Variants in GSAP observed in about 807,000 individuals in gnomAD.
GSAP encodes the protein gamma-secretase activating protein.
Under a neutral mutation model 131.7 loss-of-function variants are expected in GSAP, and 118 were observed. The ratio of observed to expected loss-of-function variants is 0.90; its 90% CI spans 0.77 to 1.04. The LOEUF (loss-of-function observed/expected upper bound fraction) is 1.04. Ranked by LOEUF, GSAP falls within the 50% of genes least tolerant of loss-of-function variation. GSAP has a pLI of 0.00. For missense variants in GSAP, 1,019 were observed against 1,013.2 expected, an observed-to-expected ratio of 1.01 and a Z score of -0.08; for synonymous variants, 381 against 363.4, an observed-to-expected ratio of 1.05 and a Z score of -0.55.
chr7:77,368,233 G>A (rs1795597345), intron 12 of GSAP, among the ~76,000 whole-genome samples: 1 of 152,102 alleles, frequency 6.6e-6, no homozygotes, highest in African/African-American at 2.4e-5. Flanking sequence ...GGGTTAAGTT[G>A]TTTCCTGGAT....
intron 10 of GSAP, among the ~76,000 whole-genome samples, 163 bp from the exon 11 acceptor site, chr7:77,375,264 T>G (rs1003604149): frequency 1.3e-5 from 2 of 152,230 alleles, no homozygotes; most frequent in African/African-American, 4.8e-5. Context: ...ATCCATTGCA[T>G]AGAAAGTCCA....
chr7:77,360,990 C>T (rs1794453699), intron 13 of GSAP, 89 bp from the exon 14 acceptor site: 2 of 754,660 alleles, frequency 2.7e-6, no homozygotes, highest in Non-Finnish European at 4.8e-6. Flanking sequence ...ACTATATTTT[C>T]AGTGACCATG....
In GSAP at chr7:77,365,907, T is replaced by TG. The variant is rs1277866540; in HGVS notation, c.872-3248_872-3247insC. Among the ~76,000 whole-genome samples, 179 of 149,202 alleles carry TG rather than the reference T, an allele frequency of 1.2e-3. 1 individual carries two copies. Among genetic ancestry groups the TG allele is most frequent in the South Asian group, 0.011 (53 of 4,678 alleles). On this transcript the variant is annotated intron_variant, in intron 12 of 30. Transcript: ENST00000257626. ...TTGCCAGCAACTGTGGGTTTTTTTT[T>TG]TTTTTTTTTTTTTTTACTTTTAATA...
At chr7:77,373,699 G>A (rs1373687783) in intron 12 of GSAP, among the ~76,000 whole-genome samples, 1 of 152,214 alleles carries the variant, frequency 6.6e-6, no homozygotes, top group Non-Finnish European at 1.5e-5. Context: ...AGCCAGGTAC[G>A]TAAGTTTAGA....
chr7:77,353,276 A>G (rs1400483129), intron 17 of GSAP, among the ~76,000 whole-genome samples: 1 of 152,120 alleles, frequency 6.6e-6, no homozygotes, highest in African/African-American at 2.4e-5. Flanking sequence ...AAACCAGCCA[A>G]CACAAAACTG....
At chr7:77,398,811 A>G (rs1341635262) in intron 3 of GSAP, among the ~76,000 whole-genome samples, 1 of 152,180 alleles carries the variant, frequency 6.6e-6, no homozygotes, top group African/African-American at 2.4e-5. Context: ...TTTTATACTC[A>G]GCCAATCCCA....
intron 7 of GSAP, among the ~76,000 whole-genome samples, chr7:77,381,924 A>C (rs1797868205): frequency 6.6e-6 from 1 of 151,118 alleles, no homozygotes; most frequent in Non-Finnish European, 1.5e-5. Context: ...CCTAGTTACA[A>C]AACTGAGCAA....
intron 12 of GSAP, among the ~76,000 whole-genome samples, chr7:77,366,234 T>C (rs976384565): frequency 6.6e-6 from 1 of 152,174 alleles, no homozygotes; most frequent in African/African-American, 2.4e-5. Context: ...AGCTCTTAAG[T>C]TTAATTCGAT....
chr7:77,398,252 G>C (rs902415038), intron 3 of GSAP, among the ~76,000 whole-genome samples: 1 of 152,132 alleles, frequency 6.6e-6, no homozygotes, highest in Non-Finnish European at 1.5e-5. Context: ...CACTAAAAAA[G>C]TATCGAAAAC....
chr7:77,326,045 A>G (rs949793049), intron 23 of GSAP, among the ~76,000 whole-genome samples, 167 bp downstream of exon 23: 3 of 152,216 alleles, frequency 2.0e-5, no homozygotes, highest in African/African-American at 7.2e-5. Context: ...GAGGGCAGAA[A>G]TCATATGGGT....
At chr7:77,335,963 G>A (rs1789918004) in intron 19 of GSAP, among the ~76,000 whole-genome samples, 1 of 152,188 alleles carries the variant, frequency 6.6e-6, no homozygotes, top group Middle Eastern at 3.2e-3. Context: ...TGTACATAAA[G>A]CTAGGAAGGC....
At chr7:77,409,134 A>C (rs1015282625) in intron 1 of GSAP, among the ~76,000 whole-genome samples, 1 of 152,152 alleles carries the variant, frequency 6.6e-6, no homozygotes, top group Non-Finnish European at 1.5e-5. Context: ...CTCACTTCAC[A>C]CTGAAGGATA....
At position 77,355,435 on chromosome 7, in the gene GSAP, C is replaced by CAAAAAAAAAA; in HGVS notation, c.1121-15_1121-6dup. ...TATCAATCATTTCATTATTTCCTGG[C>CAAAAAAAAAA]AAAAAAAAAAAAAACAGTAGATCAG... On this transcript the variant is annotated splice_polypyrimidine_tract_variant and splice_region_variant and intron_variant, in intron 15 of 30. Transcript: ENST00000257626. 7.5e-7 allele frequency: 1 copy of CAAAAAAAAAA among 1,337,278 alleles called. No individual in the cohort carries two copies. Among genetic ancestry groups the CAAAAAAAAAA allele is most frequent in the Non-Finnish European group, 1.0e-6 (1 of 967,932 alleles). 82.8% of individuals were successfully genotyped at this position (1,337,278 alleles called of 1,614,324 possible).
At chr7:77,392,892 A>C (rs1056927187) in intron 5 of GSAP, among the ~76,000 whole-genome samples, 2 of 152,160 alleles carry the variant, frequency 1.3e-5, no homozygotes, top group African/African-American at 4.8e-5. Context: ...CCCCTGACCC[A>C]TATGGTCACC....
chr7:77,389,225 CGTGT>C (rs1799035742), intron 5 of GSAP, among the ~76,000 whole-genome samples: 2 of 151,640 alleles, frequency 1.3e-5, no homozygotes, highest in Admixed American at 6.6e-5. Flanking sequence ...TAAAAGTATG[CGTGT>C]GTGTATGTAT....
intron 6 of GSAP, among the ~76,000 whole-genome samples, chr7:77,383,264 A>G (rs1798048675): frequency 6.6e-6 from 1 of 152,136 alleles, no homozygotes; most frequent in Admixed American, 6.6e-5. Flanking sequence ...GGAATATTTG[A>G]TTCTGAAACC....
At chr7:77,341,920 C>A (rs1175983385) in intron 19 of GSAP, among the ~76,000 whole-genome samples, 1 of 152,196 alleles carries the variant, frequency 6.6e-6, no homozygotes, top group Non-Finnish European at 1.5e-5. Context: ...AATGCCTAAG[C>A]CACAGTGGTC....
At chr7:77,402,078 A>G (rs1251865979) in intron 3 of GSAP, among the ~76,000 whole-genome samples, 1 of 152,188 alleles carries the variant, frequency 6.6e-6, no homozygotes, top group Non-Finnish European at 1.5e-5. Flanking sequence ...ACATTACTCT[A>G]CTAGTTTTAT....
In GSAP at chr7:77,402,616, A is replaced by AAAAT. The variant is rs375595494; in HGVS notation, c.243+1942_243+1943insATTT. 7.1e-3 allele frequency among the ~76,000 whole-genome samples: 571 copies of AAAAT among 80,042 alleles called. 28 individuals are homozygous for AAAAT. Among genetic ancestry groups the AAAAT allele is most frequent in the Middle Eastern group, 0.01 (1 of 100 alleles). 52.5% of individuals were successfully genotyped at this position (80,042 alleles called of 152,430 possible). A position where few individuals can be genotyped will look rare whatever the true frequency, so the allele number is the denominator to read the frequency against. On this transcript the variant is annotated intron_variant, in intron 3 of 30. Coordinates refer to ENST00000257626, the MANE Select transcript of GSAP (RefSeq NM_017439.4). ...CTCAAAAAAAAAAAAAAAAAAAAAA[A>AAAAT]GAATTTTAAAGCCCATCTAGATTTG...
Sources: allele counts gnomAD v4.1 joint callset (sites outside exome capture counted in the v4.1 genomes callset), GRCh38; gene constraint gnomAD v4.1.1; transcripts MANE v1.5; gene names NCBI Gene and HGNC (gene_info 2026-07-23, HGNC 2026-07-21).